The following MECOM variants were observed in gnomAD, a reference collection of about 807,000 sequenced individuals.
MECOM encodes MDS1 and EVI1 complex locus, also known as histone-lysine N-methyltransferase MECOM.
In MECOM, 13 loss-of-function variants were observed where a neutral mutation model predicts 116.3. The observed-to-expected ratio is 0.11, with a 90% CI of 0.07 to 0.18. The LOEUF (loss-of-function observed/expected upper bound fraction) is 0.18, where lower values mean the gene tolerates loss of function less well. Ranked by LOEUF, MECOM falls within the 10% of genes least tolerant of loss-of-function variation. MECOM has a pLI of 1.00. For synonymous variants in MECOM, 528 were observed against 535.2 expected (o/e 0.99, Z 0.19); for missense variants, 1,299 against 1,509.0 (o/e 0.86, Z 2.31).
At chr3:169,477,146 T>TACAC (rs1560327222) in intron 1 of MECOM, 5 of 44,860 alleles carry the variant, frequency 1.1e-4, no homozygotes, top group African/African-American at 4.4e-4. Flanking sequence ...TATATATATA[T>TACAC]ATACACACAC....
intron 2 of MECOM, among the ~76,000 whole-genome samples, chr3:169,150,291 C>G (rs767270007): frequency 1.3e-5 from 2 of 152,090 alleles, no homozygotes; most frequent in Admixed American, 1.3e-4. Context: ...TTGCTTCTTC[C>G]CCTGTTAGCT....
At chr3:169,631,429 T>C (rs1354002474) in intron 1 of MECOM, among the ~76,000 whole-genome samples, 1 of 152,236 alleles carries the variant, frequency 6.6e-6, no homozygotes, top group Non-Finnish European at 1.5e-5. Context: ...TGTCTTTCTG[T>C]TGACTAGAGA....
chr3:169,269,967 GGTGTGTGTGT>G (rs72249209), intron 2 of MECOM, among the ~76,000 whole-genome samples: 1 of 149,116 alleles, frequency 6.7e-6, no homozygotes, highest in African/African-American at 2.4e-5. Context: ...CGTATATAAA[GGTGTGTGTGT>G]GTGTGTGTGT....
chr3:169,512,212 C>G (rs1756056042), intron 1 of MECOM, among the ~76,000 whole-genome samples: 1 of 152,192 alleles, frequency 6.6e-6, no homozygotes, highest in Non-Finnish European at 1.5e-5. Context: ...CTCCTTCAGT[C>G]TCTAGCTCCT....
At chr3:169,492,090 C>T (rs1373694472) in intron 1 of MECOM, among the ~76,000 whole-genome samples, 2 of 152,328 alleles carry the variant, frequency 1.3e-5, no homozygotes, top group African/African-American at 4.8e-5. Flanking sequence ...CTGCTCAGCA[C>T]AAACACACAT....
At chr3:169,603,750 T>C (rs2109764201) in intron 1 of MECOM, among the ~76,000 whole-genome samples, 1 of 152,312 alleles carries the variant, frequency 6.6e-6, no homozygotes, top group Admixed American at 6.5e-5. Context: ...CAATGTGCAA[T>C]AGGCTAAATT....
chr3:169,525,161 G>A (rs1757818248), intron 1 of MECOM, among the ~76,000 whole-genome samples: 3 of 152,242 alleles, frequency 2.0e-5, no homozygotes, highest in African/African-American at 7.2e-5. Flanking sequence ...TTTAGAAGCT[G>A]TGCAATGAGT....
At chr3:169,499,164 C>T (rs2095448060) in intron 1 of MECOM, among the ~76,000 whole-genome samples, 1 of 150,978 alleles carries the variant, frequency 6.6e-6, no homozygotes, top group African/African-American at 2.4e-5. Context: ...AGAAGAGATA[C>T]AATATTTGAA....
intron 1 of MECOM, among the ~76,000 whole-genome samples, chr3:169,426,306 T>C (rs1362479491): frequency 6.6e-6 from 1 of 152,206 alleles, no homozygotes; most frequent in African/African-American, 2.4e-5. Context: ...GGTAAGTACA[T>C]GCTCCTTTGG....
At chr3:169,093,542 A>ACTGT (rs1720494706) in intron 13 of MECOM, among the ~76,000 whole-genome samples, 1 of 152,196 alleles carries the variant, frequency 6.6e-6, no homozygotes, top group Non-Finnish European at 1.5e-5. Context: ...TAAAGCATAT[A>ACTGT]ACAAAATACA....
chr3:169,318,091 C>G (rs1381012736), intron 2 of MECOM, among the ~76,000 whole-genome samples: 4 of 152,150 alleles, frequency 2.6e-5, no homozygotes, highest in Non-Finnish European at 5.9e-5. Flanking sequence ...AAACTGGACT[C>G]CTTCCTTACA....
At chr3:169,091,899 A>C (rs1719850149) in intron 14 of MECOM, among the ~76,000 whole-genome samples, 1 of 152,140 alleles carries the variant, frequency 6.6e-6, no homozygotes, top group African/African-American at 2.4e-5. Flanking sequence ...TAATCCAATA[A>C]TACTTGTATG....
At chr3:169,657,593 AC>A (rs1775691924) in intron 1 of MECOM, among the ~76,000 whole-genome samples, 1 of 152,198 alleles carries the variant, frequency 6.6e-6, no homozygotes, top group African/African-American at 2.4e-5. Context: ...CTCCAGAGGG[AC>A]CCATTGGACA....
chr3:169,084,923 T>C lies in MECOM; in HGVS notation c.3706A>G (p.Ile1236Val), dbSNP rs757625757. The C allele has an allele frequency of 2.5e-6, 4 of 1,614,078 alleles. No homozygotes were observed. The highest frequency in any genetic ancestry group is 2.5e-6 in the Non-Finnish European group (3 of 1,179,986). Residue 1236 changes from isoleucine to valine, a missense_variant, in exon 17 of 17, where the codon ATA (isoleucine) becomes GTA (valine). By Grantham distance (29) the Ile-to-Val change is conservative. Coordinates refer to ENST00000651503, the MANE Select transcript of MECOM (RefSeq NM_004991.4). ...AAAESSAIQS[I>V]SHV is the part of the protein sequence containing the mutation. ...CCTTGATAACGTCATACGTGGCTTA[T>C]GGACTGGATAGCACTGGATTCCGCC...
chr3:169,585,060 T>C (rs1242366726), intron 1 of MECOM, among the ~76,000 whole-genome samples: 3 of 152,224 alleles, frequency 2.0e-5, no homozygotes, highest in African/African-American at 7.2e-5. Context: ...AAGAAAATCT[T>C]CTTGACAGTA....
chr3:169,289,298 C>T (rs938484490), intron 2 of MECOM, among the ~76,000 whole-genome samples: 3 of 152,144 alleles, frequency 2.0e-5, no homozygotes, highest in East Asian at 3.9e-4. Flanking sequence ...AGAACCTCCT[C>T]GTGGATTGTT....
intron 1 of MECOM, among the ~76,000 whole-genome samples, chr3:169,511,087 G>GT (rs1755907142): frequency 6.6e-6 from 1 of 152,154 alleles, no homozygotes; most frequent in Admixed American, 6.5e-5. Flanking sequence ...ATTTTCAAAT[G>GT]TTTTTATATT....
chr3:169,425,647 G>T (rs905928423), intron 1 of MECOM, among the ~76,000 whole-genome samples: 2 of 152,094 alleles, frequency 1.3e-5, no homozygotes, highest in Non-Finnish European at 2.9e-5. Context: ...AAGGCATTTT[G>T]ATTGGTCAAA....
chr3:169,428,005 A>G (rs1740999530), intron 1 of MECOM, among the ~76,000 whole-genome samples: 1 of 152,180 alleles, frequency 6.6e-6, no homozygotes, highest in Admixed American at 6.5e-5. Flanking sequence ...AGATTAGAAC[A>G]CAGTCAATGC....
Sources: gnomAD v4.1 joint callset for allele counts (sites outside exome capture counted in the v4.1 genomes callset) on GRCh38, gnomAD v4.1.1 for gene constraint, MANE v1.5 for transcripts, NCBI Gene and HGNC (gene_info 2026-07-23, HGNC 2026-07-21) for gene names.